NR6A1: variants seen among roughly 807,000 people sequenced by gnomAD.
NR6A1 encodes the protein nuclear receptor subfamily 6 group A member 1.
In NR6A1, 7 loss-of-function variants were observed where a neutral mutation model predicts 59.1. The ratio of observed to expected loss-of-function variants is 0.12; its 90% CI spans 0.07 to 0.22. The LOEUF (loss-of-function observed/expected upper bound fraction) is 0.22, where lower values mean the gene tolerates loss of function less well. Ranked by LOEUF, NR6A1 falls within the 10% of genes least tolerant of loss-of-function variation. NR6A1 has a pLI of 1.00. For missense variants in NR6A1, 468 were observed against 611.6 expected (o/e 0.77, Z 2.48); for synonymous variants, 243 against 236.1 (o/e 1.03, Z -0.27).
intron 7 of NR6A1, among the ~76,000 whole-genome samples, chr9:124,532,043 C>A (rs1239155732): frequency 6.6e-6 from 1 of 152,200 alleles, no homozygotes; most frequent in Non-Finnish European, 1.5e-5. Context: ...TTAAAAACTT[C>A]CCAAGACTTA....
chr9:124,560,047 G>A (rs1175729857), intron 2 of NR6A1, among the ~76,000 whole-genome samples: 1 of 152,208 alleles, frequency 6.6e-6, no homozygotes, highest in Non-Finnish European at 1.5e-5. Context: ...TGCTGAAAGA[G>A]TAAATAATCT....
At chr9:124,623,361 A>AT (rs1554735404) in intron 2 of NR6A1, among the ~76,000 whole-genome samples, 2 of 151,516 alleles carry the variant, frequency 1.3e-5, no homozygotes, top group African/African-American at 2.4e-5. Context: ...TATTATTATT[A>AT]TTATTTATTT....
chr9:124,733,222 T>C, intron 2 of NR6A1, 86 bp downstream of exon 2: 1 of 962,598 alleles, frequency 1.0e-6, no homozygotes, highest in Non-Finnish European at 1.7e-6. Context: ...GTAAGGCTTA[T>C]CAATGACACC....
At chr9:124,729,813 T>A (rs1233405025) in intron 2 of NR6A1, among the ~76,000 whole-genome samples, 2 of 146,170 alleles carry the variant, frequency 1.4e-5, no homozygotes, top group Non-Finnish European at 3.0e-5. Flanking sequence ...TTTGTCTAAT[T>A]TTTTTTTTTT....
At chr9:124,692,413 TG>T (rs371825896) in intron 2 of NR6A1, 1 of 520,888 alleles carries the variant, frequency 1.9e-6, no homozygotes. Flanking sequence ...CACTGCTCAC[TG>T]GTTCTTGGGA....
intron 2 of NR6A1, among the ~76,000 whole-genome samples, chr9:124,624,253 C>T (rs979453112): frequency 6.6e-6 from 1 of 152,180 alleles, no homozygotes; most frequent in Non-Finnish European, 1.5e-5. Context: ...TAAGTTCTAT[C>T]GTTCTTGAGG....
At chr9:124,561,881 C>T (rs1834094359) in intron 2 of NR6A1, among the ~76,000 whole-genome samples, 1 of 152,076 alleles carries the variant, frequency 6.6e-6, no homozygotes, top group African/African-American at 2.4e-5. Flanking sequence ...CACTGCACTC[C>T]AGCCTGGGTG....
At chr9:124,597,655 G>C (rs1359786880) in intron 2 of NR6A1, among the ~76,000 whole-genome samples, 1 of 152,130 alleles carries the variant, frequency 6.6e-6, no homozygotes, top group African/African-American at 2.4e-5. Context: ...CCATAAGCCT[G>C]AGAACAAATC....
intron 4 of NR6A1, among the ~76,000 whole-genome samples, chr9:124,542,732 T>C (rs1008324812): frequency 6.6e-6 from 1 of 152,194 alleles, no homozygotes; most frequent in African/African-American, 2.4e-5. Context: ...ATTTGATTTT[T>C]TGGTAGAGAC....
intron 2 of NR6A1, among the ~76,000 whole-genome samples, chr9:124,576,789 A>T (rs1228095105): frequency 6.6e-6 from 1 of 152,226 alleles, no homozygotes; most frequent in Non-Finnish European, 1.5e-5. Flanking sequence ...TCAATGGCTC[A>T]TGCCTGTGAA....
chr9:124,640,704 C>A (rs1341058861), intron 2 of NR6A1, among the ~76,000 whole-genome samples: 1 of 151,836 alleles, frequency 6.6e-6, no homozygotes, highest in Non-Finnish European at 1.5e-5. Context: ...CACCCCCAGT[C>A]CAATCTTTTT....
chr9:124,535,913 A>G lies in NR6A1; in HGVS notation c.1044T>C (p.Thr348=), dbSNP rs1366321204. The change falls in exon 7 of 10, where the codon ACT becomes ACC. Residue 348 remains threonine (T), a synonymous_variant. Transcript: ENST00000487099. ...CTTCATCGGAGGGCGAGTACTTGGC[A>G]GTGACATCAGCCAGTTCCCCAAAGA... The part of the protein sequence containing the change: ...KQIFGELADV[T]AKYSPSDEEL... 3 of 1,614,220 alleles carry G rather than the reference A, an allele frequency of 1.9e-6. No homozygotes were observed. The highest frequency in any genetic ancestry group is 2.5e-6 in the Non-Finnish European group (3 of 1,180,038).
intron 2 of NR6A1, among the ~76,000 whole-genome samples, chr9:124,614,569 A>G (rs1055568657): frequency 6.6e-6 from 1 of 152,192 alleles, no homozygotes; most frequent in African/African-American, 2.4e-5. Context: ...TGAGAGATGG[A>G]TAAGTCAGCA....
intron 7 of NR6A1, among the ~76,000 whole-genome samples, chr9:124,529,367 T>G (rs184295839): frequency 5.9e-5 from 9 of 152,304 alleles, no homozygotes; most frequent in Admixed American, 2.6e-4. Context: ...CAGGGAGTTA[T>G]TTACTGAGTC....
chr9:124,708,880 C>T (rs1839204556), intron 2 of NR6A1, among the ~76,000 whole-genome samples: 1 of 152,200 alleles, frequency 6.6e-6, no homozygotes, highest in Non-Finnish European at 1.5e-5. Context: ...TGATGGCTAT[C>T]ATGGGTCCCT....
chr9:124,673,759 G>C (rs1837867342), intron 2 of NR6A1, among the ~76,000 whole-genome samples: 2 of 152,118 alleles, frequency 1.3e-5, no homozygotes. Context: ...TTTCAGACAA[G>C]AAGGTCATCT....
intron 2 of NR6A1, among the ~76,000 whole-genome samples, chr9:124,601,380 C>T (rs1396693920): frequency 2.6e-5 from 4 of 151,400 alleles, no homozygotes; most frequent in South Asian, 4.2e-4. Context: ...GTCAGGAGAT[C>T]GAGACCATCC....
intron 2 of NR6A1, among the ~76,000 whole-genome samples, chr9:124,676,295 C>G (rs1837957675): frequency 6.6e-6 from 1 of 152,138 alleles, no homozygotes; most frequent in Non-Finnish European, 1.5e-5. Context: ...CTCTGGCAAA[C>G]AGACAGTGCT....
chr9:124,561,420 G>A (rs183128120), intron 2 of NR6A1, among the ~76,000 whole-genome samples: 277 of 151,748 alleles, frequency 1.8e-3, no homozygotes, highest in Middle Eastern at 0.01. Flanking sequence ...CCTACGGGGC[G>A]GCGGAATGAG....
Sources: allele counts gnomAD v4.1 joint callset (sites outside exome capture counted in the v4.1 genomes callset), GRCh38; gene constraint gnomAD v4.1.1; transcripts MANE v1.5; gene names NCBI Gene and HGNC (gene_info 2026-07-23, HGNC 2026-07-21).